Variants in RGS3 observed in about 807,000 individuals in gnomAD.
RGS3 encodes the protein regulator of G protein signaling 3, also known as regulator of G-protein signalling 3.
In RGS3, 80 loss-of-function variants were observed where a neutral mutation model predicts 132.6. The observed-to-expected ratio is 0.60, with a 90% CI of 0.50 to 0.73. RGS3 has a LOEUF of 0.73. RGS3 is among the 30% of genes least tolerant of loss of function. The probability of loss-of-function intolerance (pLI) is 0.00; values close to 1 mark genes in which losing one functional copy is unlikely to be tolerated. For missense variants in RGS3, 1,382 were observed against 1,530.8 expected, an observed-to-expected ratio of 0.90 and a Z score of 1.62; for synonymous variants, 598 against 620.6, an observed-to-expected ratio of 0.96 and a Z score of 0.54.
chr9:113,509,298 A>G (rs1052635862), intron 14 of RGS3, among the ~76,000 whole-genome samples: 1 of 151,556 alleles, frequency 6.6e-6, no homozygotes, highest in South Asian at 2.1e-4. Flanking sequence ...AAAAAAAAAA[A>G]TCCTGTCCCC....
intron 19 of RGS3, among the ~76,000 whole-genome samples, chr9:113,538,463 G>C (rs1363461573): frequency 1.3e-5 from 2 of 152,148 alleles, no homozygotes; most frequent in African/African-American, 4.8e-5. Context: ...CTCCTTTTCT[G>C]GGGGAAAGAG....
intron 19 of RGS3, among the ~76,000 whole-genome samples, chr9:113,544,317 T>C (rs1179671033): frequency 6.7e-6 from 1 of 148,694 alleles, no homozygotes; most frequent in East Asian, 1.9e-4. Context: ...TTTTTTTTTC[T>C]TTTTATGTCT....
At chr9:113,551,920 T>C (rs1162980963) in intron 19 of RGS3, among the ~76,000 whole-genome samples, 1 of 152,212 alleles carries the variant, frequency 6.6e-6, no homozygotes, top group African/African-American at 2.4e-5. Context: ...ACCATCAGTA[T>C]ATGAGGGTTC....
At chr9:113,540,918 G>A (rs1460495942) in intron 19 of RGS3, among the ~76,000 whole-genome samples, 1 of 152,244 alleles carries the variant, frequency 6.6e-6, no homozygotes, top group African/African-American at 2.4e-5. Flanking sequence ...AAAGTGGCAT[G>A]CAAGAGGAGC....
At position 113,543,107 on chromosome 9, in the gene RGS3, G is replaced by A. The variant is rs1832971100; in HGVS notation, c.2037+6189G>A. On this transcript the variant is annotated intron_variant, in intron 19 of 24. Transcript: ENST00000350696. ...CCAAGGCTGCAGGTCTGAGGGACAC[G>A]GCTCATGGGCAAAAGGGTATCAAGA... Among the ~76,000 whole-genome samples the A allele has an allele frequency of 2.0e-5, 3 of 152,350 alleles. No homozygotes were observed. The South Asian group carries it at 6.2e-4, about 32-fold the overall frequency.
At chr9:113,574,745 C>T (rs1409110821) in intron 19 of RGS3, among the ~76,000 whole-genome samples, 3 of 152,120 alleles carry the variant, frequency 2.0e-5, no homozygotes, top group African/African-American at 4.8e-5. Flanking sequence ...AATGAGAGGT[C>T]CCAGTACACA....
Position 113,524,429 on chromosome 9 carries a change from C to A in RGS3, c.1870+1388C>A, listed in dbSNP as rs373430166. On this transcript the variant is annotated intron_variant, in intron 17 of 24. Coordinates refer to ENST00000350696, the Ensembl canonical transcript of RGS3. Reference sequence around the variant, plus strand: ...GCCCTGGTTGGTACATGAATGGAACCCTCTCTCTGTTGTGCACATTACAAG... The same window carrying A: ...GCCCTGGTTGGTACATGAATGGAACACTCTCTCTGTTGTGCACATTACAAG... Among the ~76,000 whole-genome samples the A allele has an allele frequency of 1.3e-4, 20 of 152,296 alleles. No homozygotes were observed. The East Asian group carries it at 3.7e-3, about 28-fold the overall frequency.
At chr9:113,512,742 G>T (rs950478510) in intron 14 of RGS3, among the ~76,000 whole-genome samples, 1 of 152,172 alleles carries the variant, frequency 6.6e-6, no homozygotes, top group African/African-American at 2.4e-5. Flanking sequence ...TGAGGACCTG[G>T]TAGTTGCCCA....
At chr9:113,445,565 G>A (rs188281976) in intron 1 of RGS3, among the ~76,000 whole-genome samples, 2 of 152,286 alleles carry the variant, frequency 1.3e-5, no homozygotes, top group East Asian at 1.9e-4. Flanking sequence ...CTGTGTAGAA[G>A]CAATAATCAA....
chr9:113,586,351 A>G (rs150255262), intron 20 of RGS3, among the ~76,000 whole-genome samples: 13 of 152,344 alleles, frequency 8.5e-5, no homozygotes, highest in Non-Finnish European at 5.9e-5. Flanking sequence ...TTATATACAG[A>G]TAAATTCACA....
exon 9 of RGS3, chr9:113,497,349 C>T (rs781217425): frequency 6.2e-7 from 1 of 1,613,852 alleles, no homozygotes; most frequent in South Asian, 1.1e-5. Flanking sequence ...TAGGGGAGCA[C>T]CTGGGCCGGA....
At chr9:113,554,703 T>C (rs142502836) in intron 19 of RGS3, among the ~76,000 whole-genome samples, 5 of 152,376 alleles carry the variant, frequency 3.3e-5, no homozygotes, top group Non-Finnish European at 7.3e-5. Context: ...ATCTCATTTG[T>C]AAGAGCTCTT....
At chr9:113,559,300 G>A (rs866792862) in intron 19 of RGS3, among the ~76,000 whole-genome samples, 5 of 152,360 alleles carry the variant, frequency 3.3e-5, no homozygotes, top group Middle Eastern at 3.4e-3. Context: ...CGAAGTCTCC[G>A]GCCAGCATGT....
exon 9 of RGS3, chr9:113,497,338 C>T: frequency 2.5e-6 from 4 of 1,613,400 alleles, no homozygotes; most frequent in African/African-American, 1.3e-5. Context: ...GTACTACCTC[C>T]TAGGGGAGCA....
intron 19 of RGS3, among the ~76,000 whole-genome samples, chr9:113,545,562 A>G (rs1471032494): frequency 1.3e-5 from 2 of 151,954 alleles, no homozygotes; most frequent in Non-Finnish European, 2.9e-5. Flanking sequence ...CCATCTTGCT[A>G]TTGTTTTTTT....
intron 17 of RGS3, among the ~76,000 whole-genome samples, chr9:113,524,088 C>T (rs1444690046): frequency 6.6e-6 from 1 of 152,210 alleles, no homozygotes; most frequent in African/African-American, 2.4e-5. Context: ...TGGGAAGAAG[C>T]CGCCTGAGCA....
upstream of RGS3, among the ~76,000 whole-genome samples, chr9:113,459,780 T>G (rs988279710): frequency 1.3e-5 from 2 of 152,028 alleles, no homozygotes; most frequent in African/African-American, 4.8e-5. Context: ...GGCTCACACC[T>G]GTAGTCCCAG....
rs1832209433 is a variant in RGS3 at position 113,526,387 on chromosome 9, C to T, written c.1871-2834C>T. ...CAGTGGAAGGGACACGTTGCCACCT[C>T]TGGGGCTCATAGCCTGGTGGAATGC... On this transcript the variant is annotated intron_variant, in intron 17 of 24. Transcript: ENST00000350696. Among the ~76,000 whole-genome samples the T allele has an allele frequency of 3.9e-5, 6 of 152,304 alleles. No individual in the cohort carries two copies. The South Asian group carries it at 1.2e-3, about 32-fold the overall frequency.
intron 4 of RGS3, among the ~76,000 whole-genome samples, chr9:113,480,458 C>CAAA (rs755925249): frequency 0.12 from 7,993 of 65,632 alleles, 322 homozygotes; most frequent in Non-Finnish European, 0.15. Flanking sequence ...GACTCCGTCT[C>CAAA]AAAAAAAAAA....
Sources: allele counts gnomAD v4.1 joint callset (sites outside exome capture counted in the v4.1 genomes callset), GRCh38; gene constraint gnomAD v4.1.1; transcripts MANE v1.5; gene names NCBI Gene and HGNC (gene_info 2026-07-23, HGNC 2026-07-21).